ATP13A5: variants seen among roughly 807,000 people sequenced by gnomAD.
ATP13A5 encodes ATPase 13A5.
A neutral mutation model predicts 150.2 loss-of-function variants in ATP13A5; 149 were observed. That is an observed-to-expected ratio of 0.99 (90% CI 0.87 to 1.14). The LOEUF is 1.14. ATP13A5 is among the 50% of genes most tolerant of loss of function. ATP13A5 has a pLI of 0.00. For synonymous variants in ATP13A5, 497 were observed against 522.2 expected (o/e 0.95, Z 0.66); for missense variants, 1,383 against 1,449.3 (o/e 0.95, Z 0.74).
intron 27 of ATP13A5, among the ~76,000 whole-genome samples, chr3:193,281,781 T>G (rs775212618): frequency 5.3e-5 from 8 of 152,176 alleles, no homozygotes; most frequent in Non-Finnish European, 1.2e-4. Context: ...ATTTTACATT[T>G]AAAATTATCA....
chr3:193,279,332 A>G, intron 28 of ATP13A5, 34 bp downstream of exon 28: 1 of 1,476,408 alleles, frequency 6.8e-7, no homozygotes, highest in Non-Finnish European at 9.5e-7. Context: ...CATGTACATG[A>G]GTCATGCCAG....
chr3:193,305,562 A>G lies in ATP13A5; in HGVS notation c.2675T>C (p.Ile892Thr), dbSNP rs545484319. 1 of 1,613,282 alleles carries G rather than the reference A, an allele frequency of 6.2e-7. No individual in the cohort carries two copies. The highest frequency in any genetic ancestry group is 8.5e-7 in the Non-Finnish European group (1 of 1,179,292). ...GGAAGAGGAAAAAATGACTTACCTG[A>G]TGAGATGAGGCACACACTGGATGTT... ...TTNIQCVPHL[I>T]REGRAALVSS... Residue 892 changes from isoleucine (I) to threonine (T), a missense_variant, in exon 23 of 30, where the codon ATC becomes ACC. Physicochemically the swap from Ile to Thr is moderately conservative, Grantham distance 89. Around this residue, in one of 3 missense-constraint regions of ATP13A5, gnomAD observed 568 missense variants for 621.5 expected, o/e 0.91. Coordinates refer to ENST00000342358, the MANE Select transcript of ATP13A5 (RefSeq NM_198505.4).
intron 12 of ATP13A5, 41 bp from the exon 13 acceptor site, chr3:193,327,098 GC>G: frequency 1.3e-6 from 2 of 1,534,962 alleles, no homozygotes; most frequent in Admixed American, 1.9e-5. Flanking sequence ...AAGATTTAAA[GC>G]TTTTAATTAT....
chr3:193,357,718 C>T (rs112994721), intron 5 of ATP13A5, among the ~76,000 whole-genome samples: 1 of 152,154 alleles, frequency 6.6e-6, no homozygotes, highest in African/African-American at 2.4e-5. Context: ...TCCAACTATG[C>T]ATTAGAAGAA....
intron 20 of ATP13A5, among the ~76,000 whole-genome samples, chr3:193,311,314 G>A (rs112235201): frequency 2.0e-5 from 3 of 152,210 alleles, no homozygotes; most frequent in East Asian, 1.9e-4. Context: ...TTAATCTCCC[G>A]CACATTGACA....
At position 193,331,122 on chromosome 3, in the gene ATP13A5, C is replaced by T. The variant is rs1382187187; in HGVS notation, c.1461+1G>A. 1.2e-6 allele frequency: 2 copies of T among 1,613,170 alleles called. No individual in the cohort carries two copies. On this transcript the variant is annotated splice_donor_variant, in intron 12 of 29. Coordinates refer to ENST00000342358, the MANE Select transcript of ATP13A5 (RefSeq NM_198505.4). LOFTEE classifies it high-confidence loss of function. Reference sequence around the variant, plus strand: ...TTAAACCTGAGAAGTCTGGATCATACTTTGTCAAAGCACACGAGGTTTATT... The same window carrying T: ...TTAAACCTGAGAAGTCTGGATCATATTTTGTCAAAGCACACGAGGTTTATT...
chr3:193,344,468 G>A lies in ATP13A5; in HGVS notation c.815-413C>T, dbSNP rs536846515. 2.0e-4 allele frequency among the ~76,000 whole-genome samples: 30 copies of A among 152,134 alleles called. 1 individual carries two copies. The highest frequency in any genetic ancestry group is 6.0e-4 in the African/African-American group (25 of 41,524). Reference sequence around the variant, plus strand: ...CTGCTGTCCCAGGGTGCAGCTCCTCGCTCCTTGCAAAAAGCCACAGCCACT... The same window carrying A: ...CTGCTGTCCCAGGGTGCAGCTCCTCACTCCTTGCAAAAAGCCACAGCCACT... On this transcript the variant is annotated intron_variant, in intron 8 of 29. Coordinates refer to ENST00000342358, the MANE Select transcript of ATP13A5 (RefSeq NM_198505.4).
chr3:193,319,108 A>G lies in ATP13A5; in HGVS notation c.1916T>C (p.Val639Ala). 1.2e-6 allele frequency: 2 copies of G among 1,612,164 alleles called. No individual in the cohort carries two copies. Among genetic ancestry groups the G allele is most frequent in the Non-Finnish European group, 1.7e-6 (2 of 1,178,330 alleles). The change falls in exon 17 of 30, where the codon GTG (valine) becomes GCG (alanine). Residue 639 changes from valine to alanine, a missense_variant and splice_region_variant. By Grantham distance (64) the Val-to-Ala change is moderately conservative. This residue lies in a region of ATP13A5 where 28 missense variants were observed against 55.9 expected (regional missense o/e 0.50). Coordinates refer to ENST00000342358, the MANE Select transcript of ATP13A5 (RefSeq NM_198505.4). ...MVARFCRSET[V>A]PKNFPQELRS... Reference sequence around the variant, plus strand: ...CAGTTCCTGTGGGAAATTCTTGGGCACTGCCAGGGTAGAAGAAACAGGTAA... The same window carrying G: ...CAGTTCCTGTGGGAAATTCTTGGGCGCTGCCAGGGTAGAAGAAACAGGTAA...
At chr3:193,323,020 T>TATGTCA (rs1186114813) in intron 14 of ATP13A5, among the ~76,000 whole-genome samples, 1 of 152,214 alleles carries the variant, frequency 6.6e-6, no homozygotes, top group African/African-American at 2.4e-5. Flanking sequence ...AGGGAGTTGG[T>TATGTCA]ATGTCAGCTG....
intron 1 of ATP13A5, among the ~76,000 whole-genome samples, chr3:193,373,161 TAG>T (rs1392546263): frequency 1.3e-5 from 2 of 152,186 alleles, no homozygotes; most frequent in African/African-American, 2.4e-5. Context: ...TTTTTTGAGA[TAG>T]AGTCTCACTC....
At chr3:193,374,095 C>A (rs1298129022) in intron 1 of ATP13A5, among the ~76,000 whole-genome samples, 2 of 152,148 alleles carry the variant, frequency 1.3e-5, no homozygotes, top group African/African-American at 4.8e-5. Context: ...ACGGGAGCTG[C>A]TGAAACAGAG....
chr3:193,285,208 T>C (rs554890221), intron 26 of ATP13A5, 92 bp from the exon 27 acceptor site: 1 of 1,063,372 alleles, frequency 9.4e-7, no homozygotes, highest in African/African-American at 1.6e-5. Flanking sequence ...ACCATGGGAT[T>C]TTAGCTTTCA....
intron 27 of ATP13A5, among the ~76,000 whole-genome samples, chr3:193,284,508 A>G (rs528281948): frequency 6.6e-6 from 1 of 152,318 alleles, no homozygotes; most frequent in East Asian, 1.9e-4. Flanking sequence ...GACTTAACAA[A>G]TTAAGGATAC....
chr3:193,295,742 C>G (rs1718143819), intron 25 of ATP13A5, among the ~76,000 whole-genome samples: 1 of 152,116 alleles, frequency 6.6e-6, no homozygotes, highest in South Asian at 2.1e-4. Flanking sequence ...TAGTGTCTAG[C>G]AAGAGAGATC....
At chr3:193,297,164 TTTC>T (rs1392153969) in intron 25 of ATP13A5, among the ~76,000 whole-genome samples, 1 of 152,020 alleles carries the variant, frequency 6.6e-6, no homozygotes, top group Non-Finnish European at 1.5e-5. Flanking sequence ...AAATAAGTCC[TTTC>T]TTCTTGTTGC....
intron 5 of ATP13A5, among the ~76,000 whole-genome samples, chr3:193,354,592 T>C (rs1450930171): frequency 6.6e-6 from 1 of 151,774 alleles, no homozygotes; most frequent in South Asian, 2.1e-4. Flanking sequence ...TCTATCTTAC[T>C]TTGGTACCTC....
At position 193,287,441 on chromosome 3, in the gene ATP13A5, C is replaced by G. The variant is rs1327631710; in HGVS notation, c.3024-2325G>C. Among the ~76,000 whole-genome samples the G allele has an allele frequency of 2.6e-5, 4 of 152,230 alleles. No individual in the cohort carries two copies. The East Asian group carries it at 7.7e-4, about 29-fold the overall frequency. On this transcript the variant is annotated intron_variant, in intron 26 of 29. Coordinates refer to ENST00000342358, the MANE Select transcript of ATP13A5 (RefSeq NM_198505.4). ...TTAAGTTGATGCCAATGCTCATTTG[C>G]TCTTCTGAAAATCCTAGGGCCTTTA... is the stretch of plus-strand genomic sequence containing the variant.
chr3:193,349,138 A>G (rs1292153485), intron 7 of ATP13A5, among the ~76,000 whole-genome samples: 1 of 152,244 alleles, frequency 6.6e-6, no homozygotes, highest in Non-Finnish European at 1.5e-5. Flanking sequence ...GCAAATACAC[A>G]GTTTCAGGAA....
intron 14 of ATP13A5, chr3:193,323,472 C>G (rs891673336): frequency 6.6e-6 from 1 of 152,196 alleles, no homozygotes; most frequent in African/African-American, 2.4e-5. Flanking sequence ...TCTTACAGAG[C>G]TAATACTAAA....
Sources: allele counts gnomAD v4.1 joint callset (sites outside exome capture counted in the v4.1 genomes callset), GRCh38; gene constraint gnomAD v4.1.1; regional missense constraint gnomAD v4.1.1; transcripts MANE v1.5; gene names NCBI Gene and HGNC (gene_info 2026-07-23, HGNC 2026-07-21).